The following CEP85L variants were observed in gnomAD, a reference collection of about 807,000 sequenced individuals.
CEP85L encodes centrosomal protein of 85 kDa-like.
CEP85L carries 60 observed loss-of-function variants against 100.3 expected under a neutral mutation model. That is an observed-to-expected ratio of 0.60 (90% CI 0.49 to 0.74). The LOEUF is 0.74. CEP85L is among the 30% of genes least tolerant of loss of function. The probability of loss-of-function intolerance (pLI) is 0.00; values close to 1 mark genes in which losing one functional copy is unlikely to be tolerated. For synonymous variants in CEP85L, 319 were observed against 322.7 expected, an observed-to-expected ratio of 0.99 and a Z score of 0.12; for missense variants, 973 against 936.2, an observed-to-expected ratio of 1.04 and a Z score of -0.51.
At chr6:118,569,341 C>CAAAAAAAAAAAAAAAAAAAA (rs56123225) in intron 2 of CEP85L, among the ~76,000 whole-genome samples, 4 of 68,196 alleles carry the variant, frequency 5.9e-5, no homozygotes, top group African/African-American at 1.3e-4. Flanking sequence ...GACTCTGTCT[C>CAAAAAAAAAAAAAAAAAAAA]AAAAAAAAAA....
At chr6:118,678,492 C>T (rs1329619363) in intron 1 of CEP85L, among the ~76,000 whole-genome samples, 1 of 152,190 alleles carries the variant, frequency 6.6e-6, no homozygotes, top group Non-Finnish European at 1.5e-5. Context: ...CTCTACACAT[C>T]CTCCTCTGTA....
intron 5 of CEP85L, among the ~76,000 whole-genome samples, chr6:118,508,587 T>TA (rs1320006732): frequency 6.6e-6 from 1 of 152,124 alleles, no homozygotes; most frequent in Non-Finnish European, 1.5e-5. Context: ...GACTGAGTGA[T>TA]ATCTACTTCT....
At chr6:118,647,072 G>C (rs1385985583) in intron 1 of CEP85L, 4 of 985,168 alleles carry the variant, frequency 4.1e-6, no homozygotes, top group Non-Finnish European at 4.8e-6. Context: ...GTTGGGTTTA[G>C]GCCAGAGTTA....
At chr6:118,520,743 C>T (rs975253930) in intron 4 of CEP85L, among the ~76,000 whole-genome samples, 1 of 152,172 alleles carries the variant, frequency 6.6e-6, no homozygotes, top group Admixed American at 6.5e-5. Flanking sequence ...CTTTTACGAG[C>T]TAAACTTTCA....
At chr6:118,524,004 T>C (rs1284848509) in intron 3 of CEP85L, 84 bp from the exon 4 acceptor site, 3 of 549,954 alleles carry the variant, frequency 5.5e-6, no homozygotes, top group Non-Finnish European at 8.8e-6. Flanking sequence ...CAAAGATTTA[T>C]ATTAAAAAAA....
intron 12 of CEP85L, among the ~76,000 whole-genome samples, chr6:118,468,646 C>T (rs765024166): frequency 1.3e-5 from 2 of 151,832 alleles, no homozygotes; most frequent in African/African-American, 2.4e-5. Flanking sequence ...CTGGCACTCA[C>T]GTGAAGCAGC....
intron 2 of CEP85L, among the ~76,000 whole-genome samples, chr6:118,593,198 G>A (rs1160633679): frequency 6.6e-6 from 1 of 152,072 alleles, no homozygotes; most frequent in East Asian, 1.9e-4. Context: ...AATGGCTAAA[G>A]GGGATATAAT....
intron 1 of CEP85L, among the ~76,000 whole-genome samples, chr6:118,701,494 G>GAAA: frequency 6.6e-6 from 1 of 152,284 alleles, no homozygotes; most frequent in South Asian, 2.1e-4. Flanking sequence ...GCAGTTTATG[G>GAAA]TCATTATCCT....
intron 2 of CEP85L, among the ~76,000 whole-genome samples, chr6:118,619,747 G>A (rs1051959148): frequency 2.6e-5 from 4 of 152,200 alleles, no homozygotes; most frequent in Admixed American, 2.6e-4. Flanking sequence ...CTATATAGAT[G>A]TCTTACAAGG....
At chr6:118,558,512 T>C (rs1779009758) in intron 3 of CEP85L, among the ~76,000 whole-genome samples, 1 of 151,914 alleles carries the variant, frequency 6.6e-6, no homozygotes, top group Admixed American at 6.6e-5. Context: ...GTAGTAAATT[T>C]GGGAGAAAAA....
intron 5 of CEP85L, 85 bp downstream of exon 5, chr6:118,511,213 T>A: frequency 1.2e-6 from 1 of 839,058 alleles, no homozygotes; most frequent in Non-Finnish European, 2.0e-6. Flanking sequence ...TAAGTTGATT[T>A]AAAATGTCCT....
Position 118,675,778 on chromosome 6 carries a change from A to G in CEP85L, c.-27-22970T>C, listed in dbSNP as rs569295039. Among the ~76,000 whole-genome samples, 4 of 152,232 alleles carry G rather than the reference A, an allele frequency of 2.6e-5. No homozygotes were observed. In the East Asian group the frequency reaches 7.7e-4, roughly 29 times the overall value. On this transcript the variant is annotated intron_variant, in intron 1 of 13. Transcript: ENST00000368488. ...TCTCTAAAAGAAAAAAATGAAATGG[A>G]AGCAGTAAAGAGCAAAATTGGAAAG... is the stretch of plus-strand genomic sequence containing the variant.
intron 1 of CEP85L, among the ~76,000 whole-genome samples, chr6:118,675,086 A>C (rs1358631730): frequency 2.6e-5 from 4 of 152,222 alleles, no homozygotes; most frequent in African/African-American, 9.6e-5. Context: ...ATGGATAAAC[A>C]AAGTGTTACA....
chr6:118,565,669 C>T lies in CEP85L; in HGVS notation c.880G>A (p.Val294Ile), dbSNP rs140573157. Residue 294 changes from valine (V) to isoleucine (I), a missense_variant, in exon 3 of 13, where the codon GTA (valine) becomes ATA (isoleucine). Val to Ile is a conservative substitution (Grantham distance 29, BLOSUM62 3). This residue lies in a region of CEP85L where 890 missense variants were observed against 844.5 expected (regional missense o/e 1.05). Transcript: ENST00000368491. ...TCTGTAAGCCACATCTGAGTCCTTA[C>T]GGAAGGCTGAATGGGAACTCCACCT... ...AVGGVPIQPS[V>I]RTQMWLTEQL... 36 of 1,614,064 alleles carry T rather than the reference C, an allele frequency of 2.2e-5. No homozygotes were observed. The African/African-American group carries it at 2.7e-4, about 12-fold the overall frequency.
chr6:118,498,100 A>C (rs1582914777), intron 5 of CEP85L, among the ~76,000 whole-genome samples: 1 of 152,238 alleles, frequency 6.6e-6, no homozygotes, highest in Non-Finnish European at 1.5e-5. Flanking sequence ...GACTTGGATT[A>C]GTTATAAATG....
intron 2 of CEP85L, among the ~76,000 whole-genome samples, chr6:118,590,119 G>A (rs895013047): frequency 2.0e-5 from 3 of 151,542 alleles, no homozygotes; most frequent in Admixed American, 6.6e-5. Flanking sequence ...TTTCCCCATC[G>A]CTAATGAGTC....
chr6:118,601,900 T>C (rs895244372), intron 2 of CEP85L, among the ~76,000 whole-genome samples: 1 of 152,198 alleles, frequency 6.6e-6, no homozygotes, highest in African/African-American at 2.4e-5. Flanking sequence ...GCAAGGTCTT[T>C]ATGACCTGTA....
intron 2 of CEP85L, among the ~76,000 whole-genome samples, chr6:118,625,246 T>C (rs983594118): frequency 6.6e-6 from 1 of 152,260 alleles, no homozygotes; most frequent in African/African-American, 2.4e-5. Flanking sequence ...TTTTCATCCG[T>C]GCTAACATAG....
intron 2 of CEP85L, among the ~76,000 whole-genome samples, chr6:118,621,911 G>A (rs1377160322): frequency 2.0e-5 from 3 of 152,178 alleles, no homozygotes; most frequent in East Asian, 3.9e-4. Context: ...TCATCTAGTA[G>A]AATGGGAATC....
Sources: gnomAD v4.1 joint callset for allele counts (sites outside exome capture counted in the v4.1 genomes callset) on GRCh38, gnomAD v4.1.1 for gene constraint, gnomAD v4.1.1 regional missense constraint, MANE v1.5 for transcripts, NCBI Gene and HGNC (gene_info 2026-07-23, HGNC 2026-07-21) for gene names.